The following ITGAV variants were observed in gnomAD, a reference collection of about 807,000 sequenced individuals.
ITGAV encodes integrin subunit alpha V, also known as integrin alpha-V.
Under a neutral mutation model 143.8 loss-of-function variants are expected in ITGAV, and 76 were observed. The observed-to-expected ratio is 0.53, with a 90% CI of 0.44 to 0.64. The LOEUF (loss-of-function observed/expected upper bound fraction) is 0.64. ITGAV is among the 30% of genes least tolerant of loss of function. ITGAV has a pLI of 0.00. For missense variants in ITGAV, 1,193 were observed against 1,274.7 expected (o/e 0.94, Z 0.98); for synonymous variants, 453 against 446.7 (o/e 1.01, Z -0.18).
chr2:186,612,393 A>G (rs1042845524), intron 2 of ITGAV, among the ~76,000 whole-genome samples: 1 of 151,618 alleles, frequency 6.6e-6, no homozygotes, highest in Admixed American at 6.6e-5. Context: ...TTAAAGGAGA[A>G]GCTCCTACCT....
At chr2:186,663,879 G>C in intron 19 of ITGAV, 44 bp downstream of exon 19, 1 of 1,290,004 alleles carries the variant, frequency 7.8e-7, no homozygotes, top group South Asian at 1.2e-5. Context: ...AATTTAAATG[G>C]AAGGGCACAT....
Position 186,676,834 on chromosome 2 carries a change from G to A in ITGAV, c.2950G>A (p.Gly984Ser), listed in dbSNP as rs1254140216. Reference sequence around the variant, plus strand: ...ATAGGTTACCACTAATGTCACCTGGGGCATTCAGCCAGCGCCCATGCCTGT... The same window carrying A: ...ATAGGTTACCACTAATGTCACCTGGAGCATTCAGCCAGCGCCCATGCCTGT... ...STLVTTNVTW[G>S]IQPAPMPVPV... Residue 984 changes from glycine (G) to serine (S), a missense_variant, in exon 29 of 30, where the codon GGC (glycine) becomes AGC (serine). Gly to Ser is a moderately conservative substitution (Grantham distance 56, BLOSUM62 0). Transcript: ENST00000261023. 6.2e-7 allele frequency: 1 copy of A among 1,614,028 alleles called. No homozygotes were observed. The highest frequency in any genetic ancestry group is 1.7e-5 in the Admixed American group (1 of 60,008).
At chr2:186,620,891 T>C (rs1368318690) in intron 2 of ITGAV, among the ~76,000 whole-genome samples, 5 of 152,194 alleles carry the variant, frequency 3.3e-5, no homozygotes, top group African/African-American at 9.6e-5. Context: ...AACGTACATA[T>C]ATTTATAAAA....
chr2:186,664,607 A>G lies in ITGAV; in HGVS notation c.2039A>G (p.Gln680Arg). 6.2e-7 allele frequency: 1 copy of G among 1,614,116 alleles called. No individual in the cohort carries two copies. Among genetic ancestry groups the G allele is most frequent in the Non-Finnish European group, 8.5e-7 (1 of 1,179,970 alleles). The stretch of plus-strand genomic sequence containing the variant: ...GAGCTCATCGTTTCCATTCCACTGC[A>G]GGCTGATTTCATCGGGGTTGTCCGA... ...EAELIVSIPLQADFIGVVRNN... is the reference protein window; with the variant it reads ...EAELIVSIPLRADFIGVVRNN... Residue 680 changes from glutamine to arginine, a missense_variant, in exon 20 of 30, where the codon CAG becomes CGG. Gln to Arg is a conservative substitution (Grantham distance 43). Coordinates refer to ENST00000261023, the MANE Select transcript of ITGAV (RefSeq NM_002210.5).
chr2:186,628,276 G>A (rs1490760386), intron 4 of ITGAV, among the ~76,000 whole-genome samples: 1 of 152,036 alleles, frequency 6.6e-6, no homozygotes, highest in Non-Finnish European at 1.5e-5. Flanking sequence ...TGCTTGTCTT[G>A]TGGGTTATTT....
chr2:186,670,378 G>T (rs1689031643), intron 26 of ITGAV, among the ~76,000 whole-genome samples: 1 of 152,006 alleles, frequency 6.6e-6, no homozygotes, highest in African/African-American at 2.4e-5. Context: ...ACAGCTCACT[G>T]AGGCCTTGAC....
chr2:186,601,021 G>C (rs996211548), intron 1 of ITGAV, among the ~76,000 whole-genome samples: 5 of 150,506 alleles, frequency 3.3e-5, no homozygotes, highest in African/African-American at 1.2e-4. Flanking sequence ...CTAGCACTTA[G>C]GACCTTGCTT....
At chr2:186,629,175 T>G (rs1213110940) in intron 4 of ITGAV, among the ~76,000 whole-genome samples, 1 of 152,086 alleles carries the variant, frequency 6.6e-6, no homozygotes, top group East Asian at 1.9e-4. Context: ...ATTAACCATC[T>G]GCAGGAATAA....
At chr2:186,646,524 A>G (rs953331253) in intron 12 of ITGAV, among the ~76,000 whole-genome samples, 162 bp from the exon 13 acceptor site, 1 of 152,190 alleles carries the variant, frequency 6.6e-6, no homozygotes, top group Non-Finnish European at 1.5e-5. Context: ...AATGGGTTCT[A>G]TAAATATTAA....
chr2:186,594,410 C>G (rs554660473), intron 1 of ITGAV, among the ~76,000 whole-genome samples: 2 of 152,182 alleles, frequency 1.3e-5, no homozygotes, highest in African/African-American at 2.4e-5. Flanking sequence ...AGTCAACAGG[C>G]AGAAGCTCCT....
At chr2:186,657,357 G>A (rs1688619511) in intron 17 of ITGAV, among the ~76,000 whole-genome samples, 1 of 152,088 alleles carries the variant, frequency 6.6e-6, no homozygotes, top group South Asian at 2.1e-4. Context: ...ACCATGCATA[G>A]GCCATAAAGG....
chr2:186,624,933 CA>C (rs1314697710), intron 3 of ITGAV, among the ~76,000 whole-genome samples: 1 of 118,828 alleles, frequency 8.4e-6, no homozygotes, highest in Non-Finnish European at 1.7e-5. Flanking sequence ...CCTGAAATAA[CA>C]ATTTTGCTAA....
intron 15 of ITGAV, among the ~76,000 whole-genome samples, chr2:186,654,349 A>T (rs984086394): frequency 1.3e-5 from 2 of 151,660 alleles, no homozygotes; most frequent in Admixed American, 6.6e-5. Context: ...AAAAAAAAAA[A>T]TCTGAACTGT....
chr2:186,625,678 T>TGTGA (rs5836988), intron 4 of ITGAV, 91 bp downstream of exon 4: 4,750 of 452,360 alleles, frequency 0.011, 43 homozygotes, highest in African/African-American at 0.039. Flanking sequence ...TGTGTGTGTG[T>TGTGA]GAGAGAGAGA....
chr2:186,650,648 T>C (rs778370617), intron 14 of ITGAV, among the ~76,000 whole-genome samples: 10 of 151,426 alleles, frequency 6.6e-5, no homozygotes, highest in Non-Finnish European at 1.2e-4. Context: ...CAGGTCCTAG[T>C]GATTCTCGTG....
chr2:186,625,106 A>T (rs1687636817), intron 3 of ITGAV, among the ~76,000 whole-genome samples: 1 of 152,142 alleles, frequency 6.6e-6, no homozygotes, highest in Admixed American at 6.5e-5. Flanking sequence ...CAGGTGTGGT[A>T]GGTATGGTGG....
intron 2 of ITGAV, among the ~76,000 whole-genome samples, chr2:186,616,733 A>G (rs903452309): frequency 8.5e-5 from 13 of 152,090 alleles, no homozygotes; most frequent in Non-Finnish European, 4.4e-5. Context: ...TCTCCTTGAA[A>G]AGCAAGGACT....
At chr2:186,638,631 CGTGTGTGTGTGTGTGT>C (rs34535817) in intron 10 of ITGAV, among the ~76,000 whole-genome samples, 166 bp downstream of exon 10, 6 of 144,694 alleles carry the variant, frequency 4.1e-5, no homozygotes, top group African/African-American at 1.3e-4. Context: ...CTCTTTTGAG[CGTGTGTGTGTGTGTGT>C]GTGTGTGTGT....
chr2:186,601,996 T>C, intron 1 of ITGAV, 25 bp from the exon 2 acceptor site: 1 of 1,599,046 alleles, frequency 6.3e-7, no homozygotes. Flanking sequence ...CATTTAAACT[T>C]TGGTCTGCCG....
Sources: allele counts gnomAD v4.1 joint callset (sites outside exome capture counted in the v4.1 genomes callset), GRCh38; gene constraint gnomAD v4.1.1; transcripts MANE v1.5; gene names NCBI Gene and HGNC (gene_info 2026-07-23, HGNC 2026-07-21).